Variants in FBXL7 observed in about 807,000 individuals in gnomAD.
FBXL7 encodes the protein F-box and leucine rich repeat protein 7, also known as F-box/LRR-repeat protein 7.
Under a neutral mutation model 38.3 loss-of-function variants are expected in FBXL7, and 12 were observed. The observed-to-expected ratio is 0.31, with a 90% CI of 0.20 to 0.51. The LOEUF (loss-of-function observed/expected upper bound fraction) is 0.51. FBXL7 is among the 20% of genes least tolerant of loss of function. The pLI is 0.98. For missense variants in FBXL7, 567 were observed against 676.4 expected (o/e 0.84, Z 1.79); for synonymous variants, 297 against 300.9 (o/e 0.99, Z 0.13).
intron 2 of FBXL7, among the ~76,000 whole-genome samples, chr5:15,793,472 G>C (rs918225711): frequency 3.3e-5 from 5 of 152,050 alleles, no homozygotes; most frequent in Non-Finnish European, 7.4e-5. Flanking sequence ...TGGATTTGGG[G>C]CCCATTTGGA....
intron 2 of FBXL7, among the ~76,000 whole-genome samples, chr5:15,873,899 C>T (rs986998726): frequency 2.6e-5 from 4 of 152,150 alleles, no homozygotes; most frequent in African/African-American, 9.7e-5. Flanking sequence ...AGAGGGAATC[C>T]TCCCTAACTC....
intron 2 of FBXL7, among the ~76,000 whole-genome samples, chr5:15,803,677 T>G (rs1317977198): frequency 6.6e-6 from 1 of 152,102 alleles, no homozygotes; most frequent in Non-Finnish European, 1.5e-5. Context: ...ATGACCTACC[T>G]AGCCTTTTCT....
chr5:15,830,233 C>T (rs1041939698), intron 2 of FBXL7, among the ~76,000 whole-genome samples: 2 of 152,088 alleles, frequency 1.3e-5, no homozygotes, highest in Non-Finnish European at 2.9e-5. Context: ...CCTGTAACCC[C>T]AGCACTTTGG....
At chr5:15,728,903 G>A (rs1735494415) in intron 2 of FBXL7, among the ~76,000 whole-genome samples, 1 of 152,206 alleles carries the variant, frequency 6.6e-6, no homozygotes, top group South Asian at 2.1e-4. Flanking sequence ...CATGGATCAG[G>A]CATTTCATGA....
In FBXL7 at chr5:15,937,048, G is replaced by GCAGATCGTGGCCGC; in HGVS notation, c.1341_1354dup (p.Asn452ArgfsTer13). On this transcript the variant is annotated frameshift_variant, in exon 4 of 4. Transcript: ENST00000504595. LOFTEE classifies it high-confidence loss of function. ...GCGAGAGCATCACCGGCCAGGGCTT[G>GCAGATCGTGGCCGC]CAGATCGTGGCCGCCAACTGCTTTG... 6.2e-7 allele frequency: 1 copy of GCAGATCGTGGCCGC among 1,614,040 alleles called. No homozygotes were observed. Among genetic ancestry groups the GCAGATCGTGGCCGC allele is most frequent in the Non-Finnish European group, 8.5e-7 (1 of 1,179,902 alleles).
intron 1 of FBXL7, among the ~76,000 whole-genome samples, chr5:15,544,382 T>C (rs188005011): frequency 5.6e-4 from 86 of 152,338 alleles, no homozygotes; most frequent in African/African-American, 2.0e-3. Flanking sequence ...TCACTGGAAA[T>C]ACAACTGGCA....
At chr5:15,695,061 T>C (rs941380111) in intron 2 of FBXL7, among the ~76,000 whole-genome samples, 14 of 152,330 alleles carry the variant, frequency 9.2e-5, no homozygotes, top group African/African-American at 3.1e-4. Flanking sequence ...TGCCTGAGTG[T>C]CTAACCCAAC....
chr5:15,688,837 T>A (rs1343255643), intron 2 of FBXL7, among the ~76,000 whole-genome samples: 2 of 152,190 alleles, frequency 1.3e-5, no homozygotes, highest in African/African-American at 4.8e-5. Flanking sequence ...TATGTTTATG[T>A]AGGCAGTGCC....
At chr5:15,562,682 C>T (rs1475860243) in intron 1 of FBXL7, among the ~76,000 whole-genome samples, 3 of 151,960 alleles carry the variant, frequency 2.0e-5, no homozygotes, top group Non-Finnish European at 4.4e-5. Context: ...CTCTCCATCC[C>T]TTCTTCTGCT....
At chr5:15,613,964 G>C (rs1740351025) in intron 1 of FBXL7, among the ~76,000 whole-genome samples, 1 of 152,064 alleles carries the variant, frequency 6.6e-6, no homozygotes, top group Non-Finnish European at 1.5e-5. Flanking sequence ...GTGGCAGAAG[G>C]GGGCAAGGAA....
At chr5:15,700,968 GA>G (rs1261232212) in intron 2 of FBXL7, among the ~76,000 whole-genome samples, 2 of 151,558 alleles carry the variant, frequency 1.3e-5, no homozygotes, top group African/African-American at 2.4e-5. Context: ...TATTATTTCA[GA>G]AAAAGTTTTT....
At chr5:15,920,494 A>T (rs1421596870) in intron 2 of FBXL7, among the ~76,000 whole-genome samples, 1 of 151,944 alleles carries the variant, frequency 6.6e-6, no homozygotes, top group Non-Finnish European at 1.5e-5. Context: ...CTTCCTGCAG[A>T]CATCAATGTG....
At chr5:15,816,799 T>C (rs1397662951) in intron 2 of FBXL7, among the ~76,000 whole-genome samples, 1 of 152,244 alleles carries the variant, frequency 6.6e-6, no homozygotes, top group African/African-American at 2.4e-5. Flanking sequence ...TAATTTTTTA[T>C]TGTGATGGCA....
chr5:15,502,051 A>T (rs1013656838), intron 1 of FBXL7, among the ~76,000 whole-genome samples: 1 of 151,950 alleles, frequency 6.6e-6, no homozygotes, highest in African/African-American at 2.4e-5. Context: ...AACGTCTTAG[A>T]GTTAATATTA....
chr5:15,723,066 TTA>T (rs1185405084), intron 2 of FBXL7, among the ~76,000 whole-genome samples: 1 of 152,214 alleles, frequency 6.6e-6, no homozygotes, highest in African/African-American at 2.4e-5. Flanking sequence ...TATAAATATT[TTA>T]TAAAATATTA....
intron 2 of FBXL7, among the ~76,000 whole-genome samples, chr5:15,881,415 C>T (rs1213107214): frequency 6.6e-6 from 1 of 152,090 alleles, no homozygotes; most frequent in Non-Finnish European, 1.5e-5. Context: ...TTTTCTTTGT[C>T]CTTTCCTTGA....
At chr5:15,776,941 A>C (rs1308544593) in intron 2 of FBXL7, among the ~76,000 whole-genome samples, 1 of 152,156 alleles carries the variant, frequency 6.6e-6, no homozygotes, top group East Asian at 1.9e-4. Flanking sequence ...CACTGTGATT[A>C]CATATGTATC....
At chr5:15,571,304 C>T (rs899033106) in intron 1 of FBXL7, among the ~76,000 whole-genome samples, 7 of 152,018 alleles carry the variant, frequency 4.6e-5, no homozygotes, top group African/African-American at 9.7e-5. Context: ...CTCAGTTAGT[C>T]ATCCTTCCTT....
intron 2 of FBXL7, among the ~76,000 whole-genome samples, chr5:15,829,623 A>G (rs1159970159): frequency 2.6e-5 from 4 of 152,164 alleles, no homozygotes; most frequent in African/African-American, 9.6e-5. Context: ...ATCATACGCA[A>G]TTATTTTCAT....
Sources: allele counts gnomAD v4.1 joint callset (sites outside exome capture counted in the v4.1 genomes callset), GRCh38; gene constraint gnomAD v4.1.1; transcripts MANE v1.5; gene names NCBI Gene and HGNC (gene_info 2026-07-23, HGNC 2026-07-21).